Variants in MIA3 observed in about 807,000 individuals in gnomAD.
MIA3 encodes the protein MIA SH3 domain ER export factor 3.
In MIA3, 90 loss-of-function variants were observed where a neutral mutation model predicts 192.4. The ratio of observed to expected loss-of-function variants is 0.47; its 90% CI spans 0.39 to 0.56. The LOEUF (loss-of-function observed/expected upper bound fraction) is 0.56. Among genes scored for constraint, MIA3 ranks in the 20% least tolerant of loss-of-function variants. The probability of loss-of-function intolerance (pLI) is 0.00; values close to 1 mark genes in which losing one functional copy is unlikely to be tolerated. For missense variants in MIA3, 2,123 were observed against 2,269.4 expected, an observed-to-expected ratio of 0.94 and a Z score of 1.31; for synonymous variants, 740 against 792.8, an observed-to-expected ratio of 0.93 and a Z score of 1.12.
intron 7 of MIA3, among the ~76,000 whole-genome samples, chr1:222,646,601 A>G (rs1663159241): frequency 6.6e-6 from 1 of 151,240 alleles, no homozygotes; most frequent in Admixed American, 6.6e-5. Flanking sequence ...AAAATACAAA[A>G]CTTAGCCGGG....
chr1:222,645,280 A>G (rs573265409), intron 6 of MIA3, among the ~76,000 whole-genome samples: 1 of 152,360 alleles, frequency 6.6e-6, no homozygotes, highest in Admixed American at 6.5e-5. Flanking sequence ...GTTTTAGATA[A>G]CATATTGTAT....
intron 6 of MIA3, among the ~76,000 whole-genome samples, chr1:222,635,515 C>T (rs1472026287): frequency 6.6e-6 from 1 of 151,938 alleles, no homozygotes; most frequent in Non-Finnish European, 1.5e-5. Context: ...ATACAAGATT[C>T]CAAGAGGTAT....
chr1:222,642,216 A>T (rs1250677898), intron 6 of MIA3, among the ~76,000 whole-genome samples: 1 of 152,172 alleles, frequency 6.6e-6, no homozygotes, highest in Non-Finnish European at 1.5e-5. Flanking sequence ...TCACAGGCGT[A>T]TTCATATGCA....
chr1:222,657,947 A>G (rs752036320), intron 18 of MIA3, among the ~76,000 whole-genome samples: 9 of 152,252 alleles, frequency 5.9e-5, no homozygotes, highest in Non-Finnish European at 1.3e-4. Flanking sequence ...CTTTTGCATC[A>G]GAACTATGAG....
intron 4 of MIA3, 104 bp from the exon 5 acceptor site, chr1:222,632,061 A>C: frequency 1.1e-6 from 1 of 944,002 alleles, no homozygotes; most frequent in Non-Finnish European, 1.6e-6. Flanking sequence ...TGGGATGCCC[A>C]TGCATGGAGG....
In MIA3 at chr1:222,621,237, C is replaced by A; in HGVS notation, c.212C>A (p.Pro71His). Reference protein sequence around the residue: ...CRFVNFKKGDPVYVYYKLARG... With the variant: ...CRFVNFKKGDHVYVYYKLARG... Reference sequence around the variant, plus strand: ...TTTGTGAATTTTAAAAAAGGTGATCCTGTATATGTTTACTATAAACTGGCA... The same window carrying A: ...TTTGTGAATTTTAAAAAAGGTGATCATGTATATGTTTACTATAAACTGGCA... The change falls in exon 2 of 28, where the codon CCT becomes CAT. Residue 71 changes from proline (P) to histidine (H), a missense_variant. Pro to His is a moderately conservative substitution (Grantham distance 77, BLOSUM62 -2). Coordinates refer to ENST00000344922, the MANE Select transcript of MIA3 (RefSeq NM_198551.4). 1 of 1,613,636 alleles carries A rather than the reference C, an allele frequency of 6.2e-7. No individual in the cohort carries two copies. The highest frequency in any genetic ancestry group is 8.5e-7 in the Non-Finnish European group (1 of 1,179,838).
At chr1:222,627,510 T>C in intron 3 of MIA3, 65 bp from the exon 4 acceptor site, 1 of 1,296,562 alleles carries the variant, frequency 7.7e-7, no homozygotes, top group Non-Finnish European at 1.1e-6. Context: ...ATCATTAACG[T>C]GGATAAGACT....
chr1:222,618,394 C>A, intron 1 of MIA3, 151 bp downstream of exon 1: 2 of 795,344 alleles, frequency 2.5e-6, no homozygotes, highest in Non-Finnish European at 3.4e-6. Context: ...GCGGGATGGG[C>A]TGAACGCGGG....
intron 7 of MIA3, chr1:222,646,091 A>G (rs1663127795): frequency 6.2e-6 from 1 of 160,844 alleles, no homozygotes; most frequent in African/African-American, 2.4e-5. Flanking sequence ...TTTATATTGT[A>G]TTAATGTCAT....
intron 25 of MIA3, 60 bp from the exon 26 acceptor site, chr1:222,662,193 T>G: frequency 6.3e-7 from 1 of 1,589,284 alleles, no homozygotes; most frequent in Non-Finnish European, 8.6e-7. Context: ...TTTTTTTTAA[T>G]CCTCCTCACA....
chr1:222,628,423 G>A lies in MIA3; in HGVS notation c.1203G>A (p.Met401Ile), dbSNP rs1269895284. 3 of 1,613,788 alleles carry A rather than the reference G, an allele frequency of 1.9e-6. No individual in the cohort carries two copies. The East Asian group carries it at 6.7e-5, about 36-fold the overall frequency. The change falls in exon 4 of 28, where the codon ATG (methionine) becomes ATA (isoleucine). Residue 401 changes from methionine to isoleucine, a missense_variant. Physicochemically the swap from Met to Ile is conservative, Grantham distance 10. Transcript: ENST00000344922. The part of the protein sequence containing the change: ...VTGGEETRDT[M>I]DLESSSSEEE... ...GAGGTGAAGAAACAAGAGATACGAT[G>A]GATTTAGAGAGCTCTAGTTCAGAGG...
At chr1:222,644,339 G>T in intron 6 of MIA3, 1 of 1,474,134 alleles carries the variant, frequency 6.8e-7, no homozygotes, top group Non-Finnish European at 9.0e-7. Context: ...GAAAGTGCAG[G>T]CAGCTGTGGA....
At chr1:222,659,823 T>C (rs1353717314) in intron 22 of MIA3, 22 bp downstream of exon 22, 3 of 1,612,882 alleles carry the variant, frequency 1.9e-6, no homozygotes, top group Middle Eastern at 1.7e-4. Context: ...TTGATGGCTA[T>C]ATTTTCAGCG....
chr1:222,628,793 G>A lies in MIA3; in HGVS notation c.1573G>A (p.Glu525Lys). The change falls in exon 4 of 28, where the codon GAA becomes AAA. Residue 525 changes from glutamate to lysine, a missense_variant. Physicochemically the swap from Glu to Lys is moderately conservative, Grantham distance 56 (BLOSUM62 1). This residue lies in a region of MIA3 where 1,357 missense variants were observed against 1,396.1 expected (regional missense o/e 0.97). Coordinates refer to ENST00000344922, the MANE Select transcript of MIA3 (RefSeq NM_198551.4). ...DTLKSAYDDT[E>K]NDLKGAAIHI... ...ATTAAAATCAGCTTATGATGATACA[G>A]AAAATGACCTAAAAGGAGCAGCTAT... 6.2e-7 allele frequency: 1 copy of A among 1,614,120 alleles called. No homozygotes were observed. Among genetic ancestry groups the A allele is most frequent in the Non-Finnish European group, 8.5e-7 (1 of 1,180,024 alleles).
chr1:222,662,223 A>C, intron 25 of MIA3, 30 bp from the exon 26 acceptor site: 1 of 1,605,322 alleles, frequency 6.2e-7, no homozygotes. Flanking sequence ...AGTCAGAATA[A>C]GTCTACATCA....
At chr1:222,638,539 C>T (rs1662727224) in intron 6 of MIA3, among the ~76,000 whole-genome samples, 1 of 151,824 alleles carries the variant, frequency 6.6e-6, no homozygotes, top group South Asian at 2.1e-4. Flanking sequence ...CACACACACA[C>T]ACACACACAC....
chr1:222,628,701 CTG>C lies in MIA3; in HGVS notation c.1484_1485del (p.Val495AlafsTer8). On this transcript the variant is annotated frameshift_variant, in exon 4 of 28. Coordinates refer to ENST00000344922, the MANE Select transcript of MIA3 (RefSeq NM_198551.4). LOFTEE classifies it high-confidence loss of function. ...GAGGATGAAAATCAAGAAGGCATGACTGTGCACAGTTCTGTTCACAGCAATAA... is the reference window on the plus strand; with the variant it reads ...GAGGATGAAAATCAAGAAGGCATGACTGCACAGTTCTGTTCACAGCAATAA... The C allele has an allele frequency of 1.2e-6, 2 of 1,614,102 alleles. No homozygotes were observed. The highest frequency in any genetic ancestry group is 8.5e-7 in the Non-Finnish European group (1 of 1,180,016).
intron 4 of MIA3, 146 bp downstream of exon 4, chr1:222,630,535 G>C (rs1662351154): frequency 1.4e-6 from 1 of 739,022 alleles, no homozygotes; most frequent in African/African-American, 1.8e-5. Context: ...GTTCCTTCCT[G>C]CCATCTTTCT....
At position 222,618,159 on chromosome 1, in the gene MIA3, C is replaced by A; in HGVS notation, c.49C>A (p.Pro17Thr). ...LLVWLLVLRLPWRVPGQLDPS... is the reference protein window; with the variant it reads ...LLVWLLVLRLTWRVPGQLDPS... ...CGTCTGGCTGCTCGTGCTCCGGCTG[C>A]CCTGGCGGGTGCCGGGCCAGCTGGA... The change falls in exon 1 of 28, where the codon CCC becomes ACC. Residue 17 changes from proline (P) to threonine (T), a missense_variant. Transcript: ENST00000344922. 1 of 1,506,736 alleles carries A rather than the reference C, an allele frequency of 6.6e-7. No individual in the cohort carries two copies. The highest frequency in any genetic ancestry group is 2.8e-5 in the East Asian group (1 of 35,680). The allele number at this position is 1,506,736 out of a possible 1,614,324, so 93.3% of individuals were successfully genotyped here. A position where few individuals can be genotyped will look rare whatever the true frequency, so the allele number is the denominator to read the frequency against.
Sources: allele counts gnomAD v4.1 joint callset (sites outside exome capture counted in the v4.1 genomes callset), GRCh38; gene constraint gnomAD v4.1.1; regional missense constraint gnomAD v4.1.1; transcripts MANE v1.5; gene names NCBI Gene and HGNC (gene_info 2026-07-23, HGNC 2026-07-21).